Variants in SORCS1 observed in about 807,000 individuals in gnomAD.
The protein encoded by SORCS1 is VPS10 domain-containing receptor SorCS1.
In SORCS1, 60 loss-of-function variants were observed where a neutral mutation model predicts 146.1. That is an observed-to-expected ratio of 0.41 (90% confidence interval 0.33 to 0.51). The LOEUF (loss-of-function observed/expected upper bound fraction) is 0.51. Ranked by LOEUF, SORCS1 falls within the 20% of genes least tolerant of loss-of-function variation. The pLI is 0.21. For missense variants in SORCS1, 1,352 were observed against 1,487.6 expected (o/e 0.91, Z 1.50); for synonymous variants, 637 against 584.0 (o/e 1.09, Z -1.31).
At chr10:106,702,782 T>C (rs947538863) in intron 8 of SORCS1, among the ~76,000 whole-genome samples, 1 of 152,206 alleles carries the variant, frequency 6.6e-6, no homozygotes, top group Non-Finnish European at 1.5e-5. Context: ...TTTCTCCCAA[T>C]GTGGCACTTT....
intron 1 of SORCS1, among the ~76,000 whole-genome samples, chr10:107,011,877 T>G (rs1333488114): frequency 6.6e-6 from 1 of 152,200 alleles, no homozygotes; most frequent in African/African-American, 2.4e-5. Flanking sequence ...AAACACTAGA[T>G]CACAAGGTTG....
At chr10:106,619,140 T>TA (rs541451695) in intron 20 of SORCS1, among the ~76,000 whole-genome samples, 131 of 151,600 alleles carry the variant, frequency 8.6e-4, no homozygotes, top group Non-Finnish European at 1.7e-3. Context: ...AAAGGAAAAA[T>TA]AAAAAAAATA....
intron 1 of SORCS1, among the ~76,000 whole-genome samples, chr10:107,010,846 T>C (rs138902769): frequency 1.1e-4 from 16 of 152,296 alleles, no homozygotes; most frequent in Admixed American, 9.2e-4. Flanking sequence ...CTATAGTGAA[T>C]GTGTCTTGCA....
intron 1 of SORCS1, among the ~76,000 whole-genome samples, chr10:107,126,769 TG>T (rs1229549396): frequency 6.6e-6 from 1 of 151,972 alleles, no homozygotes; most frequent in Non-Finnish European, 1.5e-5. Context: ...GCATCCCAGT[TG>T]AGAGGGAGGA....
At chr10:107,153,883 T>C (rs1969045393) in intron 1 of SORCS1, among the ~76,000 whole-genome samples, 1 of 152,184 alleles carries the variant, frequency 6.6e-6, no homozygotes, top group South Asian at 2.1e-4. Context: ...TCATTATCAC[T>C]GGCAAACATT....
chr10:106,588,561 T>TA (rs1458361282), intron 24 of SORCS1, among the ~76,000 whole-genome samples: 1 of 152,004 alleles, frequency 6.6e-6, no homozygotes, highest in Non-Finnish European at 1.5e-5. Flanking sequence ...AGAAACTTGC[T>TA]AAAAATGAAG....
chr10:106,857,222 G>A (rs1436323972), intron 2 of SORCS1, among the ~76,000 whole-genome samples: 1 of 152,180 alleles, frequency 6.6e-6, no homozygotes, highest in Non-Finnish European at 1.5e-5. Flanking sequence ...CTGAACCAGG[G>A]ATGAGCCAAG....
intron 2 of SORCS1, among the ~76,000 whole-genome samples, chr10:106,913,483 C>A (rs1310170202): frequency 6.6e-6 from 1 of 152,202 alleles, no homozygotes; most frequent in Non-Finnish European, 1.5e-5. Flanking sequence ...TACTCTACGG[C>A]TTTCTCAGTT....
At chr10:106,679,799 T>G in intron 10 of SORCS1, 65 bp from the exon 11 acceptor site, 1 of 1,274,716 alleles carries the variant, frequency 7.8e-7, no homozygotes, top group Non-Finnish European at 1.1e-6. Context: ...AAGCTCAGAA[T>G]CAGATCATCC....
At chr10:106,908,977 C>CTCTG (rs1952028091) in intron 2 of SORCS1, among the ~76,000 whole-genome samples, 1 of 152,292 alleles carries the variant, frequency 6.6e-6, no homozygotes, top group South Asian at 2.1e-4. Flanking sequence ...TCCCTGTCTT[C>CTCTG]TCTGCTCCTT....
chr10:107,133,240 T>C (rs1967001324), intron 1 of SORCS1, among the ~76,000 whole-genome samples: 1 of 152,162 alleles, frequency 6.6e-6, no homozygotes, highest in Admixed American at 6.5e-5. Context: ...GAAGGTTGTC[T>C]TTTTGGGTGG....
chr10:106,859,658 G>A (rs958910475), intron 2 of SORCS1, among the ~76,000 whole-genome samples: 1 of 152,182 alleles, frequency 6.6e-6, no homozygotes, highest in East Asian at 1.9e-4. Flanking sequence ...CTCCCAAAGT[G>A]CTGGGATTAC....
intron 6 of SORCS1, among the ~76,000 whole-genome samples, chr10:106,725,933 GAAAAA>G (rs58266957): frequency 0.43 from 58,038 of 135,300 alleles, 12,086 homozygotes; most frequent in South Asian, 0.48. Flanking sequence ...TCTGTCTCAG[GAAAAA>G]AAAAAAAAAA....
intron 5 of SORCS1, among the ~76,000 whole-genome samples, chr10:106,741,536 T>G (rs539215879): frequency 6.6e-6 from 1 of 152,118 alleles, no homozygotes; most frequent in African/African-American, 2.4e-5. Context: ...AAGCAGAGTT[T>G]GCAGTGAGCC....
intron 1 of SORCS1, among the ~76,000 whole-genome samples, chr10:107,004,805 G>A (rs183177728): frequency 3.2e-4 from 49 of 152,210 alleles, no homozygotes; most frequent in East Asian, 1.5e-3. Context: ...CACTCTAGTC[G>A]AGGCATTTTT....
At chr10:107,027,349 T>A (rs1958452037) in intron 1 of SORCS1, among the ~76,000 whole-genome samples, 1 of 151,998 alleles carries the variant, frequency 6.6e-6, no homozygotes, top group East Asian at 1.9e-4. Flanking sequence ...TCCTCACTAA[T>A]GTCCCCATCC....
At chr10:106,755,584 TTG>T (rs57442916) in intron 5 of SORCS1, among the ~76,000 whole-genome samples, 42 of 149,854 alleles carry the variant, frequency 2.8e-4, no homozygotes, top group African/African-American at 6.1e-4. Context: ...AACATAATCT[TTG>T]TGTGTGTGTG....
chr10:107,064,444 A>G (rs567433160), intron 1 of SORCS1, among the ~76,000 whole-genome samples: 5 of 152,204 alleles, frequency 3.3e-5, no homozygotes, highest in Non-Finnish European at 7.4e-5. Flanking sequence ...AGTTCCCGCT[A>G]TTCCCAAGAA....
chr10:107,108,961 G>T (rs927303313), intron 1 of SORCS1, among the ~76,000 whole-genome samples: 26 of 152,194 alleles, frequency 1.7e-4, no homozygotes, highest in African/African-American at 6.0e-4. Context: ...AAATCTTAAA[G>T]CTCCAAAATA....
Sources: allele counts gnomAD v4.1 joint callset (sites outside exome capture counted in the v4.1 genomes callset), GRCh38; gene constraint gnomAD v4.1.1; transcripts MANE v1.5; gene names NCBI Gene and HGNC (gene_info 2026-07-23, HGNC 2026-07-21).